ADAMTS8: variants seen among roughly 807,000 people sequenced by gnomAD.
The protein encoded by ADAMTS8 is A disintegrin and metalloproteinase with thrombospondin motifs 8.
Under a neutral mutation model 64.4 loss-of-function variants are expected in ADAMTS8, and 50 were observed. The observed-to-expected ratio is 0.78, with a 90% confidence interval of 0.62 to 0.98. ADAMTS8 has a LOEUF of 0.98. Among genes scored for constraint, ADAMTS8 ranks in the 50% least tolerant of loss-of-function variants. The pLI, the probability that ADAMTS8 is intolerant of heterozygous loss-of-function variation, is 0.00. For synonymous variants in ADAMTS8, 556 were observed against 533.6 expected, an observed-to-expected ratio of 1.04 and a Z score of -0.58; for missense variants, 1,192 against 1,208.2, an observed-to-expected ratio of 0.99 and a Z score of 0.20.
At chr11:130,417,242 A>AAATTC (rs1176225011) in intron 2 of ADAMTS8, among the ~76,000 whole-genome samples, 167 bp from the exon 3 acceptor site, 12 of 151,294 alleles carry the variant, frequency 7.9e-5, no homozygotes, top group African/African-American at 2.9e-4. Flanking sequence ...CTTTTAAATT[A>AAATTC]AATTAAATTA....
At chr11:130,422,263 T>TA (rs976766739) in intron 1 of ADAMTS8, among the ~76,000 whole-genome samples, 12 of 150,836 alleles carry the variant, frequency 8.0e-5, no homozygotes, top group Admixed American at 2.6e-4. Flanking sequence ...CTGTCTCTAT[T>TA]AAAAAAAAAT....
At chr11:130,413,002 C>G (rs1861971860) in intron 5 of ADAMTS8, among the ~76,000 whole-genome samples, 1 of 152,112 alleles carries the variant, frequency 6.6e-6, no homozygotes, top group Non-Finnish European at 1.5e-5. Context: ...TCTGGAGTAG[C>G]TGGGATTATA....
Position 130,416,093 on chromosome 11 carries a change from G to A in ADAMTS8, c.1264+70C>T, listed in dbSNP as rs1006009447. Reference sequence around the variant, plus strand: ...GCCCTGTGAGGAGGCACAGCTGGAGGGGGTCTCTGCGCCAGCACCAGTGGA... The same window carrying A: ...GCCCTGTGAGGAGGCACAGCTGGAGAGGGTCTCTGCGCCAGCACCAGTGGA... On this transcript the variant is annotated intron_variant, in intron 4 of 8. Coordinates refer to ENST00000257359, the MANE Select transcript of ADAMTS8 (RefSeq NM_007037.6). The surrounding 1 kb of genome is among the most constrained non-coding windows in gnomAD (Gnocchi z 4.8). 1 of 1,465,608 alleles carries A rather than the reference G, an allele frequency of 6.8e-7. No individual in the cohort carries two copies. The allele number at this position is 1,465,608 out of a possible 1,614,324, so 90.8% of individuals were successfully genotyped here. A position where few individuals can be genotyped will look rare whatever the true frequency, so the allele number is the denominator to read the frequency against.
chr11:130,426,548 G>C (rs2134694258), intron 1 of ADAMTS8, among the ~76,000 whole-genome samples: 1 of 152,256 alleles, frequency 6.6e-6, no homozygotes, highest in African/African-American at 2.4e-5. Context: ...GTGCTCCCTA[G>C]GGGCAAAGAG....
At chr11:130,412,778 AAATGC>A (rs1483300414) in intron 5 of ADAMTS8, among the ~76,000 whole-genome samples, 9 of 152,160 alleles carry the variant, frequency 5.9e-5, no homozygotes, top group Admixed American at 2.6e-4. Context: ...ATCATCATAA[AAATGC>A]AATGCTTTTA....
In ADAMTS8 at chr11:130,405,744, G is replaced by T. The variant is rs749209098; in HGVS notation, c.2484C>A (p.Ile828=). ...CCCACTGTGCGTGGAGCAGCGGCTG[G>T]ATGATGTTGGTGGTTGCTCTCTCTT... is the stretch of plus-strand genomic sequence containing the variant. The part of the protein sequence containing the change: ...SSKERATTNI[I]QPLLHAQWVL... Residue 828 remains isoleucine, a synonymous_variant, in exon 9 of 9, where the codon ATC becomes ATA. Transcript: ENST00000257359. 6.2e-7 allele frequency: 1 copy of T among 1,614,194 alleles called. No individual in the cohort carries two copies. The highest frequency in any genetic ancestry group is 1.7e-5 in the Admixed American group (1 of 60,036).
rs1323516099 is a variant in ADAMTS8 at position 130,405,098 on chromosome 11, TG to T, written c.*459del. 1 of 991,050 alleles carries T rather than the reference TG, an allele frequency of 1.0e-6. No individual in the cohort carries two copies. Among genetic ancestry groups the T allele is most frequent in the Non-Finnish European group, 1.2e-6 (1 of 833,636 alleles). The allele number at this position is 991,050 out of a possible 1,614,324, so 61.4% of individuals were successfully genotyped here. On this transcript the variant is annotated 3_prime_UTR_variant, in exon 9 of 9. Coordinates refer to ENST00000257359, the MANE Select transcript of ADAMTS8 (RefSeq NM_007037.6). Reference sequence around the variant, plus strand: ...GTCGTGGTCATTCTTGAAGACAGCTTGGGGTCCAGCTTTGGAGCCTGCTTTG... The same window carrying T: ...GTCGTGGTCATTCTTGAAGACAGCTTGGGTCCAGCTTTGGAGCCTGCTTTG...
chr11:130,412,932 A>G (rs1331748390), intron 5 of ADAMTS8, among the ~76,000 whole-genome samples: 1 of 151,810 alleles, frequency 6.6e-6, no homozygotes, highest in Non-Finnish European at 1.5e-5. Flanking sequence ...GTGCAGTGGT[A>G]TGATCTTGGC....
chr11:130,424,221 C>T (rs542571188), intron 1 of ADAMTS8, among the ~76,000 whole-genome samples: 1 of 152,342 alleles, frequency 6.6e-6, no homozygotes, highest in East Asian at 1.9e-4. Flanking sequence ...GCACAGGATT[C>T]AGCTTTGGGA....
At chr11:130,410,222 T>G (rs1396536903) in intron 6 of ADAMTS8, among the ~76,000 whole-genome samples, 3 of 152,224 alleles carry the variant, frequency 2.0e-5, no homozygotes, top group African/African-American at 7.2e-5. Context: ...ACTCATCCAT[T>G]GAAATGTAAT....
At position 130,416,417 on chromosome 11, in the gene ADAMTS8, A is replaced by G. The variant is rs1862025814; in HGVS notation, c.1097-87T>C. The stretch of plus-strand genomic sequence containing the variant: ...GCTAGGGACAGAGATGGAGCTCCTC[A>G]GGGGAGCAGCCACCCCCTCACTCTC... On this transcript the variant is annotated intron_variant, in intron 3 of 8. Transcript: ENST00000257359. This position sits in a 1 kb window ranked among gnomAD's most constrained non-coding sequence, Gnocchi z 4.8. The G allele has an allele frequency of 2.9e-6, 4 of 1,398,028 alleles. No individual in the cohort carries two copies. The highest frequency in any genetic ancestry group is 3.8e-6 in the Non-Finnish European group (4 of 1,056,796). The allele number at this position is 1,398,028 out of a possible 1,614,324, so 86.6% of individuals were successfully genotyped here.
rs752308251 is a variant in ADAMTS8, at chr11:130,408,885, G to A, written c.1806C>T (p.Asp602=). ...CEKYNAYNYT[D]MDGNLLQWVP... ...CCCACTGCAGGAGATTCCCGTCCAT[G>A]TCAGTGTAATTGTAGGCATTATACT... Residue 602 remains aspartate, a synonymous_variant, in exon 7 of 9, where the codon GAC becomes GAT. Transcript: ENST00000257359. 9 of 1,607,860 alleles carry A rather than the reference G, an allele frequency of 5.6e-6. No homozygotes were observed. Among genetic ancestry groups the A allele is most frequent in the East Asian group, 2.2e-5 (1 of 44,860 alleles).
rs1592129572 is a variant in ADAMTS8, at chr11:130,411,536, C to T, written c.1631G>A (p.Gly544Glu). Residue 544 changes from glycine (G) to glutamate (E), a missense_variant, in exon 6 of 9, where the codon GGA becomes GAA. By Grantham distance (98) the Gly-to-Glu change is moderately conservative. This residue lies in a region of ADAMTS8 where 290 missense variants were observed against 297.8 expected (regional missense o/e 0.97). Transcript: ENST00000257359. This position sits in a 1 kb window ranked among gnomAD's most constrained non-coding sequence, Gnocchi z 4.2. ...PWGECSRTCG[G>E]GVQFSHRECK... ...CTCACGGTGTGAAAACTGTACTCCT[C>T]CTCCACAGGTCCGAGAACATTCTCC... 6.2e-7 allele frequency: 1 copy of T among 1,614,182 alleles called. No homozygotes were observed. Among genetic ancestry groups the T allele is most frequent in the Non-Finnish European group, 8.5e-7 (1 of 1,180,034 alleles).
Position 130,405,657 on chromosome 11 carries a change from T to A in ADAMTS8, c.2571A>T (p.Val857=). Residue 857 remains valine (V), a synonymous_variant, in exon 9 of 9, where the codon GTA becomes GTT. Coordinates refer to ENST00000257359, the MANE Select transcript of ADAMTS8 (RefSeq NM_007037.6). ...TCGAGWQRRT[V]ECRDPSGQAS... ...CCTGGCCGGAGGGGTCCCTGCACTC[T>A]ACAGTTCGCCTCTGCCAGCCGGCCC... 6.2e-7 allele frequency: 1 copy of A among 1,614,096 alleles called. No individual in the cohort carries two copies. Among genetic ancestry groups the A allele is most frequent in the Non-Finnish European group, 8.5e-7 (1 of 1,179,992 alleles).
Position 130,405,903 on chromosome 11 carries a change from G to A in ADAMTS8, c.2325C>T (p.Arg775=), listed in dbSNP as rs1447852256. 3 of 1,614,096 alleles carry A rather than the reference G, an allele frequency of 1.9e-6. 1 individual carries two copies. The South Asian group carries it at 3.3e-5, about 18-fold the overall frequency. ...KYSGSIATLE[R]LQSFRPLPEP... is the part of the protein sequence containing the mutation. Reference sequence around the variant, plus strand: ...CTGGCAAGGGCCGGAAGCTCTGCAGGCGCTCCAGGGTGGCGATGGAGCCGC... The same window carrying A: ...CTGGCAAGGGCCGGAAGCTCTGCAGACGCTCCAGGGTGGCGATGGAGCCGC... The change falls in exon 9 of 9, where the codon CGC becomes CGT. Residue 775 remains arginine, a synonymous_variant. Transcript: ENST00000257359.
intron 1 of ADAMTS8, among the ~76,000 whole-genome samples, chr11:130,424,010 T>G (rs1185259665): frequency 6.6e-6 from 1 of 152,238 alleles, no homozygotes; most frequent in Non-Finnish European, 1.5e-5. Context: ...CGTAACATAG[T>G]GAGACCAGCT....
intron 1 of ADAMTS8, among the ~76,000 whole-genome samples, chr11:130,423,547 C>T (rs1862126414): frequency 2.0e-5 from 3 of 152,302 alleles, no homozygotes; most frequent in Middle Eastern, 3.4e-3. Context: ...TTGTGGAAGA[C>T]ATTTTCCCCA....
chr11:130,424,334 G>GC (rs1862135626), intron 1 of ADAMTS8, among the ~76,000 whole-genome samples: 1 of 152,128 alleles, frequency 6.6e-6, no homozygotes. Flanking sequence ...GTCTCCCTCT[G>GC]CCCCCCTCAC....
In ADAMTS8 at chr11:130,408,564, C is replaced by T; in HGVS notation, c.1999G>A (p.Asp667Asn). 1.2e-6 allele frequency: 2 copies of T among 1,614,218 alleles called. No individual in the cohort carries two copies. The highest frequency in any genetic ancestry group is 1.7e-6 in the Non-Finnish European group (2 of 1,180,044). The change falls in exon 8 of 9, where the codon GAC (aspartate) becomes AAC (asparagine). Residue 667 changes from aspartate (D) to asparagine (N), a missense_variant. Asp to Asn is a conservative substitution (Grantham distance 23). Around this residue, in one of 5 missense-constraint regions of ADAMTS8, gnomAD observed 290 missense variants for 297.8 expected, o/e 0.97. Coordinates refer to ENST00000257359, the MANE Select transcript of ADAMTS8 (RefSeq NM_007037.6). ...VRGQCVKAGC[D>N]HVVDSPRKLD... ...TTCCGAGGCGAGTCCACCACATGGT[C>T]ACAGCCGGCCTTGACACACTGGCCA...
Sources: allele counts gnomAD v4.1 joint callset (sites outside exome capture counted in the v4.1 genomes callset), GRCh38; gene constraint gnomAD v4.1.1; regional missense constraint gnomAD v4.1.1; non-coding constraint Gnocchi (gnomAD v3.1); transcripts MANE v1.5; gene names NCBI Gene and HGNC (gene_info 2026-07-23, HGNC 2026-07-21).